STK3: variants seen among roughly 807,000 people sequenced by gnomAD.
STK3 encodes serine/threonine kinase 3.
In STK3, 41 loss-of-function variants were observed where a neutral mutation model predicts 58.0. The ratio of observed to expected loss-of-function variants is 0.71; its 90% CI spans 0.55 to 0.92. The LOEUF is 0.92. Among genes scored for constraint, STK3 ranks in the 40% least tolerant of loss-of-function variants. The pLI is 0.00. For missense variants in STK3, 479 were observed against 602.7 expected, an observed-to-expected ratio of 0.79 and a Z score of 2.15; for synonymous variants, 170 against 191.0, an observed-to-expected ratio of 0.89 and a Z score of 0.91.
intron 1 of STK3, among the ~76,000 whole-genome samples, chr8:98,810,529 T>C (rs998854290): frequency 1.3e-5 from 2 of 152,154 alleles, no homozygotes; most frequent in African/African-American, 4.8e-5. Flanking sequence ...ACTAGTGATG[T>C]CAAGCATCTT....
chr8:98,715,354 A>C (rs574682411), intron 4 of STK3, among the ~76,000 whole-genome samples: 2,665 of 152,178 alleles, frequency 0.018, 71 homozygotes, highest in African/African-American at 0.061. Flanking sequence ...CAACCTACAG[A>C]ATGGGAGAAA....
intron 1 of STK3, among the ~76,000 whole-genome samples, chr8:98,815,356 C>T (rs1371346251): frequency 6.6e-6 from 1 of 152,140 alleles, no homozygotes; most frequent in Admixed American, 6.5e-5. Flanking sequence ...GAATAAAATG[C>T]TATTAAAAAT....
intron 6 of STK3, among the ~76,000 whole-genome samples, chr8:98,652,383 A>G (rs1821026655): frequency 6.6e-6 from 1 of 152,226 alleles, no homozygotes; most frequent in African/African-American, 2.4e-5. Context: ...AATCATGCCG[A>G]ATTGTAAAGA....
chr8:98,700,640 C>G (rs1825506499), intron 6 of STK3, among the ~76,000 whole-genome samples: 1 of 152,218 alleles, frequency 6.6e-6, no homozygotes, highest in Admixed American at 6.5e-5. Context: ...TGACATAAAT[C>G]TTCCAAAATA....
chr8:98,590,677 C>G (rs1815229187), intron 7 of STK3, among the ~76,000 whole-genome samples: 1 of 152,172 alleles, frequency 6.6e-6, no homozygotes, highest in Admixed American at 6.5e-5. Flanking sequence ...ACTTTTAACC[C>G]AAATTCTTTT....
intron 1 of STK3, among the ~76,000 whole-genome samples, chr8:98,931,517 A>G (rs958399867): frequency 5.9e-5 from 9 of 152,326 alleles, no homozygotes; most frequent in East Asian, 1.9e-4. Flanking sequence ...AAATCATTTG[A>G]GCAAATAATG....
chr8:98,917,989 T>C (rs1053503318), intron 1 of STK3, among the ~76,000 whole-genome samples: 12 of 152,200 alleles, frequency 7.9e-5, no homozygotes, highest in Admixed American at 4.6e-4. Flanking sequence ...AGGTAAGTGT[T>C]CATGTAGTGC....
intron 6 of STK3, among the ~76,000 whole-genome samples, chr8:98,647,048 T>G (rs1232535212): frequency 6.6e-6 from 1 of 152,136 alleles, no homozygotes; most frequent in African/African-American, 2.4e-5. Flanking sequence ...CTCACCTACC[T>G]CCATCACCTC....
chr8:98,713,101 A>G (rs1214915394), intron 4 of STK3, among the ~76,000 whole-genome samples: 1 of 152,220 alleles, frequency 6.6e-6, no homozygotes. Flanking sequence ...ACAAAGACAC[A>G]ACATACCAGA....
chr8:98,484,082 C>CTTAAAGACTTAATACTAAGTCTATAAGTA (rs1822052144), intron 10 of STK3, among the ~76,000 whole-genome samples: 1 of 141,848 alleles, frequency 7.0e-6, no homozygotes, highest in East Asian at 2.1e-4. Context: ...GCCACCATGA[C>CTTAAAGACTTAATACTAAGTCTATAAGTA]TTAAAGACTT....
rs147141499 is a variant in STK3, at chr8:98,596,478, A to C, written c.685-309T>G. 367 of 181,200 alleles carry C rather than the reference A, an allele frequency of 2.0e-3. 2 individuals carry two copies. Among genetic ancestry groups the C allele is most frequent in the African/African-American group, 8.0e-3 (343 of 42,662 alleles). The allele number at this position is 181,200 out of a possible 1,614,324, so 11.2% of individuals were successfully genotyped here. A position where few individuals can be genotyped will look rare whatever the true frequency, so the allele number is the denominator to read the frequency against. ...GACCCACTAAGGACTTTCCCTAAAC[A>C]TATATATTCCCAAATTTTGCTACTA... is the stretch of plus-strand genomic sequence containing the variant. On this transcript the variant is annotated intron_variant, in intron 6 of 10. Coordinates refer to ENST00000419617, the MANE Select transcript of STK3 (RefSeq NM_006281.4).
At chr8:98,655,971 T>C (rs199808175) in intron 6 of STK3, among the ~76,000 whole-genome samples, 28 of 152,226 alleles carry the variant, frequency 1.8e-4, no homozygotes, top group African/African-American at 4.6e-4. Flanking sequence ...TTGACCCAGC[T>C]ATCCCATTAC....
At chr8:98,536,802 A>G (rs1327635470) in intron 9 of STK3, among the ~76,000 whole-genome samples, 1 of 152,244 alleles carries the variant, frequency 6.6e-6, no homozygotes, top group Admixed American at 6.5e-5. Context: ...ATACATTTCT[A>G]TTCCCAAATG....
intron 3 of STK3, among the ~76,000 whole-genome samples, chr8:98,410,691 C>T (rs1818044280): frequency 6.6e-6 from 1 of 152,048 alleles, no homozygotes; most frequent in Non-Finnish European, 1.5e-5. Context: ...ATGATATGAC[C>T]CTCCCTGCTC....
upstream of STK3, among the ~76,000 whole-genome samples, chr8:98,829,678 A>G (rs888779372): frequency 2.6e-5 from 4 of 152,168 alleles, no homozygotes; most frequent in African/African-American, 7.2e-5. Flanking sequence ...GGCCTTTAAG[A>G]CTCCAAAGCT....
intron 8 of STK3, among the ~76,000 whole-genome samples, chr8:98,575,017 G>A (rs766614959): frequency 2.0e-4 from 31 of 151,968 alleles, no homozygotes; most frequent in Non-Finnish European, 8.8e-5. Flanking sequence ...TTGGCTATTC[G>A]GGGTGGTGGG....
the STK3 span, among the ~76,000 whole-genome samples, chr8:98,364,696 C>T: frequency 6.6e-6 from 1 of 152,302 alleles, no homozygotes; most frequent in African/African-American, 2.4e-5. Context: ...TCTCTGCCCT[C>T]CTAGGGAGAG....
chr8:98,430,043 T>C (rs1306332223), intron 3 of STK3: 2 of 167,198 alleles, frequency 1.2e-5, no homozygotes, highest in Non-Finnish European at 2.9e-5. Context: ...CAATCATCTT[T>C]AGAACGATGT....
At chr8:98,623,948 A>G (rs1291494053) in intron 6 of STK3, among the ~76,000 whole-genome samples, 1 of 152,234 alleles carries the variant, frequency 6.6e-6, no homozygotes, top group African/African-American at 2.4e-5. Context: ...TAAATCACCC[A>G]GTCTTTAGCA....
Sources: allele counts gnomAD v4.1 joint callset (sites outside exome capture counted in the v4.1 genomes callset), GRCh38; gene constraint gnomAD v4.1.1; transcripts MANE v1.5; gene names NCBI Gene and HGNC (gene_info 2026-07-23, HGNC 2026-07-21).